The following NRP1 variants were observed in gnomAD, a reference collection of about 807,000 sequenced individuals.
NRP1 encodes the protein neuropilin-1.
Under a neutral mutation model 106.7 loss-of-function variants are expected in NRP1, and 35 were observed. The observed-to-expected ratio is 0.33, with a 90% CI of 0.25 to 0.43. The LOEUF is 0.43. Among genes scored for constraint, NRP1 ranks in the 20% least tolerant of loss-of-function variants. The probability of loss-of-function intolerance (pLI) is 1.00; values close to 1 mark genes in which losing one functional copy is unlikely to be tolerated. For synonymous variants in NRP1, 437 were observed against 417.9 expected, an observed-to-expected ratio of 1.05 and a Z score of -0.56; for missense variants, 1,024 against 1,170.4, an observed-to-expected ratio of 0.87 and a Z score of 1.83.
At chr10:33,253,943 G>T in intron 6 of NRP1, 85 bp downstream of exon 6, 1 of 1,279,460 alleles carries the variant, frequency 7.8e-7, no homozygotes, top group Non-Finnish European at 1.1e-6. Context: ...AGGCCATTTG[G>T]CACAGTACCA....
Position 33,189,176 on chromosome 10 carries a change from C to T in NRP1, c.2063-2688G>A, listed in dbSNP as rs574681502. ...CACACACTCACTCACAATAAACACC[C>T]GATCCACAAACTTCTGCTCTACTCA... On this transcript the variant is annotated intron_variant, in intron 13 of 16. Transcript: ENST00000374867. 9.3e-4 allele frequency among the ~76,000 whole-genome samples: 141 copies of T among 151,866 alleles called. 1 individual carries two copies. Among genetic ancestry groups the T allele is most frequent in the Middle Eastern group, 6.8e-3 (2 of 294 alleles).
intron 2 of NRP1, among the ~76,000 whole-genome samples, chr10:33,297,424 G>A (rs1035582644): frequency 2.0e-5 from 3 of 152,116 alleles, no homozygotes; most frequent in African/African-American, 7.2e-5. Context: ...GGTGGCTCAC[G>A]CCTCTCATCC....
chr10:33,281,983 C>G (rs1009695518), intron 2 of NRP1, among the ~76,000 whole-genome samples: 2 of 152,206 alleles, frequency 1.3e-5, no homozygotes, highest in African/African-American at 4.8e-5. Flanking sequence ...AACCAACTCT[C>G]AGAATATGAC....
At chr10:33,302,510 T>A (rs1845872948) in intron 2 of NRP1, among the ~76,000 whole-genome samples, 1 of 152,236 alleles carries the variant, frequency 6.6e-6, no homozygotes, top group Non-Finnish European at 1.5e-5. Flanking sequence ...CCACTCTTAT[T>A]TTCCAGATGA....
At chr10:33,262,703 C>CAA (rs3035285) in intron 4 of NRP1, among the ~76,000 whole-genome samples, 43,196 of 100,116 alleles carry the variant, frequency 0.43, 8,510 homozygotes, top group East Asian at 0.58. Flanking sequence ...AACTCTGTCT[C>CAA]AAAAAAAAAA....
At chr10:33,278,018 T>G (rs1324881403) in intron 2 of NRP1, among the ~76,000 whole-genome samples, 2 of 152,204 alleles carry the variant, frequency 1.3e-5, no homozygotes, top group East Asian at 3.8e-4. Flanking sequence ...TTGTAGTCCT[T>G]TCAATACACC....
chr10:33,276,777 C>T (rs747540867), intron 2 of NRP1, among the ~76,000 whole-genome samples: 1 of 152,140 alleles, frequency 6.6e-6, no homozygotes, highest in Non-Finnish European at 1.5e-5. Flanking sequence ...CAACTAATAC[C>T]TCACTGATTT....
At chr10:33,230,595 A>ATG (rs1430700718) in intron 6 of NRP1, among the ~76,000 whole-genome samples, 5 of 116,670 alleles carry the variant, frequency 4.3e-5, no homozygotes, top group Non-Finnish European at 6.8e-5. Context: ...AGTTTCTCAT[A>ATG]TATGTGTGTG....
intron 15 of NRP1, among the ~76,000 whole-genome samples, chr10:33,184,038 G>A (rs1206375720): frequency 1.3e-5 from 2 of 151,584 alleles, no homozygotes; most frequent in East Asian, 3.9e-4. Flanking sequence ...TTGAAATGGG[G>A]TCTTGCTCTG....
At chr10:33,276,423 G>A (rs1843701966) in intron 2 of NRP1, among the ~76,000 whole-genome samples, 1 of 152,070 alleles carries the variant, frequency 6.6e-6, no homozygotes, top group Admixed American at 6.5e-5. Flanking sequence ...TTTTCTGAAA[G>A]GCTGGCAAGA....
intron 2 of NRP1, among the ~76,000 whole-genome samples, chr10:33,286,949 T>A (rs1039894649): frequency 4.6e-5 from 7 of 152,122 alleles, no homozygotes; most frequent in Non-Finnish European, 7.3e-5. Context: ...ATTGCAATAA[T>A]CCCCCTTCCC....
intron 6 of NRP1, among the ~76,000 whole-genome samples, chr10:33,238,072 A>G (rs1414871620): frequency 3.3e-5 from 5 of 152,200 alleles, no homozygotes; most frequent in Non-Finnish European, 7.3e-5. Context: ...CTTGAAGTTC[A>G]TGATCATGCA....
At chr10:33,189,071 C>T (rs899377174) in intron 13 of NRP1, among the ~76,000 whole-genome samples, 1 of 151,702 alleles carries the variant, frequency 6.6e-6, no homozygotes. Context: ...CACCCCCATC[C>T]TGTTTTCCTC....
chr10:33,302,334 A>T (rs1368496601), intron 2 of NRP1, among the ~76,000 whole-genome samples: 1 of 152,112 alleles, frequency 6.6e-6, no homozygotes, highest in Non-Finnish European at 1.5e-5. Flanking sequence ...TCCTGGTCTC[A>T]TCCTGTTTGG....
intron 2 of NRP1, among the ~76,000 whole-genome samples, chr10:33,313,759 C>T (rs1385405970): frequency 2.0e-5 from 3 of 152,030 alleles, no homozygotes; most frequent in Non-Finnish European, 2.9e-5. Context: ...AAGACCGCAC[C>T]GTTAACTGAG....
chr10:33,244,648 TTAATA>T (rs1841281996), intron 6 of NRP1, among the ~76,000 whole-genome samples: 1 of 152,196 alleles, frequency 6.6e-6, no homozygotes. Flanking sequence ...AAGTGGAAAC[TTAATA>T]TTATCTTTCC....
At chr10:33,290,890 G>A (rs1020064964) in intron 2 of NRP1, among the ~76,000 whole-genome samples, 22 of 152,188 alleles carry the variant, frequency 1.4e-4, no homozygotes, top group African/African-American at 4.3e-4. Context: ...AATGCAAGAC[G>A]GCATCTCACC....
intron 3 of NRP1, among the ~76,000 whole-genome samples, chr10:33,264,977 G>T (rs112286543): frequency 6.6e-6 from 1 of 151,844 alleles, no homozygotes; most frequent in Admixed American, 6.6e-5. Flanking sequence ...GGGCGTGGTC[G>T]TGGGCACCTG....
At chr10:33,223,906 A>C (rs1839451702) in intron 7 of NRP1, among the ~76,000 whole-genome samples, 1 of 152,186 alleles carries the variant, frequency 6.6e-6, no homozygotes, top group Non-Finnish European at 1.5e-5. Context: ...GCCCTGGTGC[A>C]GGCAGAGGGG....
Sources: allele counts gnomAD v4.1 joint callset (sites outside exome capture counted in the v4.1 genomes callset), GRCh38; gene constraint gnomAD v4.1.1; transcripts MANE v1.5; gene names NCBI Gene and HGNC (gene_info 2026-07-23, HGNC 2026-07-21).